MDGA2: variants seen among roughly 807,000 people sequenced by gnomAD.
The protein encoded by MDGA2 is MAM domain containing glycosylphosphatidylinositol anchor 2, also known as MAM domain-containing glycosylphosphatidylinositol anchor protein 2.
In MDGA2, 40 loss-of-function variants were observed where a neutral mutation model predicts 117.8. That is an observed-to-expected ratio of 0.34 (90% CI 0.26 to 0.44). The LOEUF is 0.44. Among genes scored for constraint, MDGA2 ranks in the 20% least tolerant of loss-of-function variants. The pLI, the probability that MDGA2 is intolerant of heterozygous loss-of-function variation, is 1.00. For missense variants in MDGA2, 1,123 were observed against 1,250.6 expected, an observed-to-expected ratio of 0.90 and a Z score of 1.54; for synonymous variants, 452 against 439.0, an observed-to-expected ratio of 1.03 and a Z score of -0.37.
chr14:47,005,902 A>T (rs886797037), intron 8 of MDGA2, among the ~76,000 whole-genome samples: 6 of 151,662 alleles, frequency 4.0e-5, no homozygotes, highest in South Asian at 2.1e-4. Context: ...TATTGTTAAA[A>T]TTTTTTTAAA....
intron 1 of MDGA2, among the ~76,000 whole-genome samples, chr14:47,322,605 G>A (rs1020306603): frequency 1.3e-5 from 2 of 152,020 alleles, no homozygotes; most frequent in African/African-American, 4.8e-5. Context: ...AATATGACAC[G>A]ACCCAGAAAA....
chr14:46,848,022 T>C lies in MDGA2; in HGVS notation c.2884-2151A>G, dbSNP rs943294065. Among the ~76,000 whole-genome samples the C allele has an allele frequency of 5.3e-5, 8 of 151,940 alleles. No individual in the cohort carries two copies. The East Asian group carries it at 1.4e-3, about 26-fold the overall frequency. ...ATTAAATACTGCTTGTAGAGTGCAA[T>C]ACAGGGTTTACAATGTAGCCATAGC... On this transcript the variant is annotated intron_variant, in intron 15 of 16. Transcript: ENST00000399232.
At chr14:47,105,686 C>A (rs1374530448) in intron 5 of MDGA2, among the ~76,000 whole-genome samples, 1 of 150,542 alleles carries the variant, frequency 6.6e-6, no homozygotes, top group Admixed American at 6.6e-5. Flanking sequence ...TCCAGGCATT[C>A]TTTTACACAT....
chr14:47,392,735 A>C (rs1211072496), intron 1 of MDGA2, among the ~76,000 whole-genome samples: 1 of 152,146 alleles, frequency 6.6e-6, no homozygotes, highest in Non-Finnish European at 1.5e-5. Context: ...TGCTGTCCAG[A>C]GGTAGACATA....
intron 1 of MDGA2, among the ~76,000 whole-genome samples, chr14:47,573,010 C>G (rs573586093): frequency 6.6e-6 from 1 of 152,214 alleles, no homozygotes; most frequent in Admixed American, 6.6e-5. Context: ...AAGAAACAGA[C>G]AATCTAATTC....
chr14:46,984,025 C>T (rs1364944788), intron 8 of MDGA2, among the ~76,000 whole-genome samples: 1 of 151,882 alleles, frequency 6.6e-6, no homozygotes, highest in Non-Finnish European at 1.5e-5. Context: ...AGTAATAAAA[C>T]ATAGTTATAT....
chr14:47,144,172 T>C lies in MDGA2; in HGVS notation c.698A>G (p.Asn233Ser). The change falls in exon 4 of 17, where the codon AAT becomes AGT. Residue 233 changes from asparagine to serine, a missense_variant. Around this residue, in one of 2 missense-constraint regions of MDGA2, gnomAD observed 890 missense variants for 1,050.3 expected, o/e 0.85. Transcript: ENST00000399232. The stretch of plus-strand genomic sequence containing the variant: ...TCTCCAGCTATACCGAACAGGAGGA[T>C]TGGAATTGGCAACACACCGGAGGAA... ...TVFLRCVANS[N>S]PPVRYSWRRG... The C allele has an allele frequency of 6.4e-7, 1 of 1,551,386 alleles. No homozygotes were observed. The highest frequency in any genetic ancestry group is 8.7e-7 in the Non-Finnish European group (1 of 1,146,788).
intron 1 of MDGA2, among the ~76,000 whole-genome samples, chr14:47,372,374 G>T (rs1375890779): frequency 1.3e-5 from 2 of 151,790 alleles, no homozygotes; most frequent in Non-Finnish European, 3.0e-5. Flanking sequence ...CCAATAAATT[G>T]TAGGAAGAAA....
chr14:47,391,624 C>G (rs952543994), intron 1 of MDGA2, among the ~76,000 whole-genome samples: 1 of 152,172 alleles, frequency 6.6e-6, no homozygotes, highest in Non-Finnish European at 1.5e-5. Context: ...CAAGGCAACT[C>G]ATTTCTCTGA....
At chr14:47,230,581 T>A (rs1036727632) in intron 2 of MDGA2, among the ~76,000 whole-genome samples, 4 of 152,000 alleles carry the variant, frequency 2.6e-5, no homozygotes, top group Admixed American at 2.0e-4. Flanking sequence ...ACATTTTCAA[T>A]CTTATGGACA....
intron 2 of MDGA2, among the ~76,000 whole-genome samples, chr14:47,258,407 G>T (rs910021557): frequency 6.6e-6 from 1 of 151,964 alleles, no homozygotes; most frequent in African/African-American, 2.4e-5. Context: ...GAGTGAAGGG[G>T]GAGATGCTAC....
At chr14:47,162,103 G>T (rs996406377) in intron 3 of MDGA2, among the ~76,000 whole-genome samples, 1 of 151,434 alleles carries the variant, frequency 6.6e-6, no homozygotes, top group Non-Finnish European at 1.5e-5. Flanking sequence ...TTGCCACCAC[G>T]CCCAGCTAGT....
chr14:47,481,679 T>C (rs575140047), intron 1 of MDGA2, among the ~76,000 whole-genome samples: 10 of 152,154 alleles, frequency 6.6e-5, no homozygotes, highest in Admixed American at 1.3e-4. Flanking sequence ...TTTTGCTTAG[T>C]TTCTCCATCC....
chr14:47,348,218 A>ATT (rs78606952), intron 1 of MDGA2, among the ~76,000 whole-genome samples: 3 of 138,102 alleles, frequency 2.2e-5, no homozygotes, highest in East Asian at 2.1e-4. Context: ...AAATCCTTAA[A>ATT]TTTTTTTTTT....
At chr14:47,236,838 C>A (rs1176025991) in intron 2 of MDGA2, among the ~76,000 whole-genome samples, 1 of 152,168 alleles carries the variant, frequency 6.6e-6, no homozygotes, top group East Asian at 1.9e-4. Context: ...GGGCCATAAA[C>A]TATAAAGAAA....
chr14:47,516,587 A>AT (rs1173496673), intron 1 of MDGA2, among the ~76,000 whole-genome samples: 2 of 152,160 alleles, frequency 1.3e-5, no homozygotes, highest in East Asian at 3.9e-4. Flanking sequence ...CAGTAGAGTA[A>AT]TCTCACCATC....
chr14:47,540,563 T>TATATATATATATATACATACAC (rs370481455), intron 1 of MDGA2, among the ~76,000 whole-genome samples: 2 of 112,544 alleles, frequency 1.8e-5, no homozygotes, highest in African/African-American at 5.9e-5. Context: ...TGTATATATA[T>TATATATATATATATACATACAC]ACACACACAC....
intron 1 of MDGA2, among the ~76,000 whole-genome samples, chr14:47,637,587 T>G (rs1897346783): frequency 1.3e-5 from 2 of 152,182 alleles, no homozygotes; most frequent in African/African-American, 4.8e-5. Context: ...CCCCAAAAGT[T>G]TGTACCACTC....
intron 1 of MDGA2, among the ~76,000 whole-genome samples, chr14:47,318,352 C>T (rs1414459653): frequency 6.6e-6 from 1 of 152,092 alleles, no homozygotes; most frequent in Non-Finnish European, 1.5e-5. Flanking sequence ...TAATCCTGGC[C>T]CAAGGCCTTT....
Sources: gnomAD v4.1 joint callset for allele counts (sites outside exome capture counted in the v4.1 genomes callset) on GRCh38, gnomAD v4.1.1 for gene constraint, gnomAD v4.1.1 regional missense constraint, MANE v1.5 for transcripts, NCBI Gene and HGNC (gene_info 2026-07-23, HGNC 2026-07-21) for gene names.